The following PDE11A variants were observed in gnomAD, a reference collection of about 807,000 sequenced individuals.
PDE11A encodes phosphodiesterase 11A.
In PDE11A, 100 loss-of-function variants were observed where a neutral mutation model predicts 100.5. The ratio of observed to expected loss-of-function variants is 1.00; its 90% CI spans 0.85 to 1.18. PDE11A has a LOEUF of 1.18. Among genes scored for constraint, PDE11A ranks in the 50% most tolerant of loss-of-function variants. PDE11A has a pLI of 0.00. For synonymous variants in PDE11A, 381 were observed against 420.8 expected, an observed-to-expected ratio of 0.91 and a Z score of 1.16; for missense variants, 1,141 against 1,152.6, an observed-to-expected ratio of 0.99 and a Z score of 0.15.
At chr2:178,018,131 A>G in intron 1 of PDE11A, 33 of 285,288 alleles carry the variant, frequency 1.2e-4, no homozygotes, top group South Asian at 3.1e-4. Flanking sequence ...TGTGGAGCAC[A>G]GCATGTTCAC....
At chr2:177,917,431 C>T (rs1370758546) in intron 2 of PDE11A, among the ~76,000 whole-genome samples, 1 of 152,164 alleles carries the variant, frequency 6.6e-6, no homozygotes, top group Non-Finnish European at 1.5e-5. Context: ...TGACAAGAAC[C>T]CAGTAACCTT....
intron 15 of PDE11A, among the ~76,000 whole-genome samples, chr2:177,689,761 C>A (rs149083050): frequency 6.6e-6 from 1 of 152,150 alleles, no homozygotes; most frequent in African/African-American, 2.4e-5. Context: ...ACAAATAAAA[C>A]CGGCAAAATG....
intron 15 of PDE11A, among the ~76,000 whole-genome samples, chr2:177,695,636 T>G (rs1449242331): frequency 6.6e-6 from 1 of 152,136 alleles, no homozygotes; most frequent in African/African-American, 2.4e-5. Context: ...ACCCTGTGCC[T>G]CTCCTCAGTT....
At position 177,624,416 on chromosome 2, in the gene PDE11A, A is replaced by G. The variant is rs2079803850; in HGVS notation, c.*4991T>C. On this transcript the variant is annotated 3_prime_UTR_variant, in exon 20 of 20. Coordinates refer to ENST00000286063, the MANE Select transcript of PDE11A (RefSeq NM_016953.4). ...GCAATTTCTAAGAGTCAGCAGGAAAAATAGATTTTAAAATAATTTTACTGC... is the reference window on the plus strand; with the variant it reads ...GCAATTTCTAAGAGTCAGCAGGAAAGATAGATTTTAAAATAATTTTACTGC... 6.6e-6 allele frequency: 1 copy of G among 152,168 alleles called. No individual in the cohort carries two copies. Among genetic ancestry groups the G allele is most frequent in the South Asian group, 2.1e-4 (1 of 4,828 alleles). The allele number at this position is 152,168 out of a possible 1,614,324, so 9.4% of individuals were successfully genotyped here. A position where few individuals can be genotyped will look rare whatever the true frequency, so the allele number is the denominator to read the frequency against.
At chr2:177,922,629 TGTTA>T in intron 2 of PDE11A, 1 of 929,316 alleles carries the variant, frequency 1.1e-6, no homozygotes, top group Non-Finnish European at 1.3e-6. Context: ...TAATTTTACC[TGTTA>T]GTTATGTCTC....
At chr2:177,862,922 A>G (rs1342307679) in intron 5 of PDE11A, among the ~76,000 whole-genome samples, 1 of 151,970 alleles carries the variant, frequency 6.6e-6, no homozygotes, top group Admixed American at 6.6e-5. Flanking sequence ...ACACTTCCTG[A>G]TTTCAAATTA....
At chr2:178,024,309 G>A (rs2086451344) in intron 1 of PDE11A, among the ~76,000 whole-genome samples, 2 of 152,162 alleles carry the variant, frequency 1.3e-5, no homozygotes, top group African/African-American at 4.8e-5. Flanking sequence ...CTACTCGGGA[G>A]GCCGAGGCAG....
intron 5 of PDE11A, among the ~76,000 whole-genome samples, chr2:177,864,752 T>C (rs936988305): frequency 6.6e-6 from 1 of 152,132 alleles, no homozygotes; most frequent in Non-Finnish European, 1.5e-5. Context: ...TAACATGAAC[T>C]ATGTTTTGGG....
chr2:178,030,165 A>C (rs1204909370), intron 1 of PDE11A, among the ~76,000 whole-genome samples: 3 of 152,236 alleles, frequency 2.0e-5, no homozygotes, highest in Non-Finnish European at 4.4e-5. Flanking sequence ...CAGGAGAGAA[A>C]AAAAAGAGAG....
At chr2:177,694,844 T>C (rs542876866) in intron 15 of PDE11A, among the ~76,000 whole-genome samples, 3 of 152,280 alleles carry the variant, frequency 2.0e-5, no homozygotes, top group African/African-American at 7.2e-5. Context: ...TGTTCTTAAT[T>C]TTTGAAAGTG....
chr2:178,087,331 T>C (rs914282434), intron 2 of PDE11A, among the ~76,000 whole-genome samples: 2 of 149,630 alleles, frequency 1.3e-5, no homozygotes, highest in Non-Finnish European at 3.0e-5. Context: ...CCACCCTGGA[T>C]GACTAGAGCA....
intron 1 of PDE11A, among the ~76,000 whole-genome samples, chr2:178,067,468 A>T (rs1411107178): frequency 6.6e-6 from 1 of 150,750 alleles, no homozygotes; most frequent in Admixed American, 6.6e-5. Context: ...TAAACCACTC[A>T]CTCTCCCTTA....
At chr2:177,706,969 T>C (rs1289878270) in intron 13 of PDE11A, among the ~76,000 whole-genome samples, 2 of 152,154 alleles carry the variant, frequency 1.3e-5, no homozygotes, top group African/African-American at 4.8e-5. Context: ...TTTTTATGGC[T>C]TCATGTCTTT....
chr2:178,048,837 G>C (rs1188935570), intron 1 of PDE11A, among the ~76,000 whole-genome samples: 1 of 151,876 alleles, frequency 6.6e-6, no homozygotes, highest in South Asian at 2.1e-4. Flanking sequence ...TTTCTTTTTT[G>C]TCTTTTTTCT....
intron 1 of PDE11A, among the ~76,000 whole-genome samples, chr2:178,104,665 A>G (rs1013715687): frequency 4.6e-5 from 7 of 152,212 alleles, no homozygotes; most frequent in Non-Finnish European, 8.8e-5. Flanking sequence ...ATAACATCCA[A>G]TTTCATAAAG....
chr2:177,989,553 GTTATAC>G (rs1183025119), intron 2 of PDE11A, among the ~76,000 whole-genome samples: 1 of 152,180 alleles, frequency 6.6e-6, no homozygotes, highest in African/African-American at 2.4e-5. Context: ...AATCCTAACA[GTTATAC>G]TTATGTGTTA....
At chr2:178,066,913 T>A (rs1166339247) in intron 1 of PDE11A, among the ~76,000 whole-genome samples, 3 of 152,202 alleles carry the variant, frequency 2.0e-5, no homozygotes, top group African/African-American at 7.2e-5. Context: ...CTGACTTCTT[T>A]AACCCCGGCC....
At chr2:177,871,108 C>T (rs1253508620) in intron 5 of PDE11A, among the ~76,000 whole-genome samples, 1 of 152,156 alleles carries the variant, frequency 6.6e-6, no homozygotes, top group African/African-American at 2.4e-5. Flanking sequence ...GTTTAACATT[C>T]AGGCTACTTA....
rs1002869083 is a variant in PDE11A at position 178,041,913 on chromosome 2, A to G, written c.913-27453T>C. 2.6e-5 allele frequency among the ~76,000 whole-genome samples: 4 copies of G among 152,258 alleles called. 1 individual carries two copies. The highest frequency in any genetic ancestry group is 5.9e-5 in the Non-Finnish European group (4 of 68,052). The stretch of plus-strand genomic sequence containing the variant: ...GGACTACCTTGAACATAAATTTCTG[A>G]TAAGGCCCATATTAATCATATGCCC... On this transcript the variant is annotated intron_variant, in intron 1 of 19. Transcript: ENST00000286063.
Sources: gnomAD v4.1 joint callset for allele counts (sites outside exome capture counted in the v4.1 genomes callset) on GRCh38, gnomAD v4.1.1 for gene constraint, MANE v1.5 for transcripts, NCBI Gene and HGNC (gene_info 2026-07-23, HGNC 2026-07-21) for gene names.